Variants in RRM1 observed in about 807,000 individuals in gnomAD.
The protein encoded by RRM1 is ribonucleotide reductase catalytic subunit M1.
RRM1 carries 19 observed loss-of-function variants against 101.5 expected under a neutral mutation model. That is an observed-to-expected ratio of 0.19 (90% CI 0.13 to 0.27). RRM1 has a LOEUF of 0.27. Among genes scored for constraint, RRM1 ranks in the 10% least tolerant of loss-of-function variants. The pLI is 1.00. For synonymous variants in RRM1, 298 were observed against 323.4 expected (o/e 0.92, Z 0.84); for missense variants, 500 against 962.9 (o/e 0.52, Z 6.36).
At chr11:4,119,988 A>G (rs1025584800) in intron 9 of RRM1, 60 bp downstream of exon 9, 3 of 969,106 alleles carry the variant, frequency 3.1e-6, no homozygotes, top group Non-Finnish European at 3.3e-6. Context: ...AGTCATATAC[A>G]CTTAAGATGG....
chr11:4,124,185 G>A (rs10835650), intron 12 of RRM1, among the ~76,000 whole-genome samples: 71,936 of 152,040 alleles, frequency 0.47, 18,213 homozygotes, highest in Non-Finnish European at 0.58. Flanking sequence ...GTAGGTTTCT[G>A]AGAGGAAAAT....
intron 4 of RRM1, among the ~76,000 whole-genome samples, chr11:4,109,256 T>A (rs1281355375): frequency 4.6e-5 from 7 of 151,700 alleles, no homozygotes; most frequent in African/African-American, 1.7e-4. Flanking sequence ...CCAATACTTT[T>A]GGATTAATAG....
intron 14 of RRM1, 109 bp from the exon 15 acceptor site, chr11:4,128,965 G>A: frequency 3.4e-6 from 2 of 594,612 alleles, no homozygotes; most frequent in Non-Finnish European, 5.9e-6. Context: ...TTAGAAGACA[G>A]CATTTGTTGG....
chr11:4,133,028 C>T (rs890817091), intron 16 of RRM1, among the ~76,000 whole-genome samples: 5 of 152,010 alleles, frequency 3.3e-5, no homozygotes, highest in South Asian at 2.1e-4. Context: ...CTTTTGCAAA[C>T]GCCATATGTT....
chr11:4,111,732 C>G, intron 6 of RRM1, 92 bp downstream of exon 6: 1 of 1,274,092 alleles, frequency 7.8e-7, no homozygotes, highest in Non-Finnish European at 1.1e-6. Context: ...CTTGCTTAGA[C>G]TCTAGATAAC....
At chr11:4,122,247 A>T in intron 11 of RRM1, 27 bp downstream of exon 11, 2 of 1,455,132 alleles carry the variant, frequency 1.4e-6, no homozygotes, top group African/African-American at 1.4e-5. Flanking sequence ...AAAGAAAACA[A>T]TAATGTTTTA....
chr11:4,094,945 C>G lies in RRM1; in HGVS notation c.-68C>G. The G allele has an allele frequency of 1.3e-6, 2 of 1,535,470 alleles. No homozygotes were observed. The highest frequency in any genetic ancestry group is 1.8e-6 in the Non-Finnish European group (2 of 1,132,420). On this transcript the variant is annotated 5_prime_UTR_variant, in exon 1 of 19. Transcript: ENST00000300738. ...AACCCTTCCCACTCTGTCACCTTCT[C>G]GATCCCGCCGGCGCTTTAGAGCCGC...
rs1005614736 is a variant in RRM1, at chr11:4,112,018, G to T, written c.606G>T (p.Ser202=). The change falls in exon 7 of 19, where the codon TCG becomes TCT. Residue 202 remains serine, a synonymous_variant. Transcript: ENST00000300738. ...CTGAGAGGTGGTTTACTCATGCTTC[G>T]CCCACTCTCTTCAATGCTGGTACCA... ...LLSERWFTHA[S]PTLFNAGTNR... 1 of 1,613,920 alleles carries T rather than the reference G, an allele frequency of 6.2e-7. No individual in the cohort carries two copies.
Position 4,113,425 on chromosome 11 carries a change from T to C in RRM1, c.650+1363T>C, listed in dbSNP as rs904452958. ...ACAAAACTGTAATGATTTGAAGAAA[T>C]GATTTTTACATAGGAAACTCAAGAG... On this transcript the variant is annotated intron_variant, in intron 7 of 18. Coordinates refer to ENST00000300738, the MANE Select transcript of RRM1 (RefSeq NM_001033.5). Among the ~76,000 whole-genome samples, 7 of 152,266 alleles carry C rather than the reference T, an allele frequency of 4.6e-5. No homozygotes were observed. The South Asian group carries it at 1.2e-3, about 27-fold the overall frequency.
At chr11:4,124,521 G>C (rs1044794427) in intron 12 of RRM1, among the ~76,000 whole-genome samples, 16 of 152,202 alleles carry the variant, frequency 1.1e-4, no homozygotes, top group African/African-American at 3.9e-4. Context: ...AAATAAATAT[G>C]CTGCCCTCTG....
In RRM1 at chr11:4,094,860, T is replaced by A. The variant is rs759781134; in HGVS notation, c.-153T>A. The A allele has an allele frequency of 1.5e-5, 12 of 775,138 alleles. No homozygotes were observed. The African/African-American group carries it at 1.9e-4, about 12-fold the overall frequency. 48.0% of individuals were successfully genotyped at this position (775,138 alleles called of 1,614,324 possible). A position where few individuals can be genotyped will look rare whatever the true frequency, so the allele number is the denominator to read the frequency against. On this transcript the variant is annotated 5_prime_UTR_variant, in exon 1 of 19. Coordinates refer to ENST00000300738, the MANE Select transcript of RRM1 (RefSeq NM_001033.5). The stretch of plus-strand genomic sequence containing the variant: ...GATTTGGATTGTTGCGCCTCTGCTC[T>A]GAAGAAAGTGCTGTCTGGCTCCAAC...
intron 9 of RRM1, among the ~76,000 whole-genome samples, chr11:4,121,003 G>A (rs1187715898): frequency 2.0e-5 from 3 of 152,194 alleles, no homozygotes; most frequent in African/African-American, 7.2e-5. Context: ...CTGGGCGGTA[G>A]AGCTAGAACT....
intron 2 of RRM1, chr11:4,105,578 CTTTTTTT>C (rs55705631): frequency 8.2e-5 from 23 of 281,466 alleles, no homozygotes; most frequent in Admixed American, 3.5e-4. Context: ...TTTTTCTTTC[CTTTTTTT>C]TTTTTTTTTT....
At position 4,132,297 on chromosome 11, in the gene RRM1, G is replaced by A. The variant is rs1324632178; in HGVS notation, c.1781G>A (p.Arg594Lys). The A allele has an allele frequency of 1.2e-6, 2 of 1,614,142 alleles. No homozygotes were observed. Among genetic ancestry groups the A allele is most frequent in the South Asian group, 1.1e-5 (1 of 91,078 alleles). ...LKEKIAKYGI[R>K]NSLLIAPMPT... ...CTCCTTTTCTTTAGGTATGGTATAA[G>A]AAACAGTTTACTTATTGCCCCGATG... Residue 594 changes from arginine (R) to lysine (K), a missense_variant, in exon 16 of 19, where the codon AGA (arginine) becomes AAA (lysine). Physicochemically the swap from Arg to Lys is conservative, Grantham distance 26. This residue lies in a region of RRM1 where 106 missense variants were observed against 138.1 expected (regional missense o/e 0.77). Coordinates refer to ENST00000300738, the MANE Select transcript of RRM1 (RefSeq NM_001033.5). This position sits in a 1 kb window ranked among gnomAD's most constrained non-coding sequence, Gnocchi z 4.1.
intron 11 of RRM1, among the ~76,000 whole-genome samples, chr11:4,122,603 T>C (rs962163599): frequency 6.6e-6 from 1 of 152,220 alleles, no homozygotes; most frequent in African/African-American, 2.4e-5. Context: ...TCAGGTGCAG[T>C]GGCTCACATC....
At chr11:4,102,868 ACT>A (rs1393943417) in intron 2 of RRM1, among the ~76,000 whole-genome samples, 4 of 152,036 alleles carry the variant, frequency 2.6e-5, no homozygotes, top group African/African-American at 4.8e-5. Flanking sequence ...TGTATTCTAG[ACT>A]CTCATCATCA....
chr11:4,103,952 A>T lies in RRM1; in HGVS notation c.108+1871A>T, dbSNP rs866236540. Among the ~76,000 whole-genome samples the T allele has an allele frequency of 4.9e-3, 734 of 150,456 alleles. 6 individuals are homozygous for T. The highest frequency in any genetic ancestry group is 7.5e-3 in the Non-Finnish European group (505 of 67,548). ...GCCCTCAACCCTGTTTCTACAAAAA[A>T]AAAAAAAAAAAAAAAATTGGTTGGG... On this transcript the variant is annotated intron_variant, in intron 2 of 18. Transcript: ENST00000300738.
intron 7 of RRM1, among the ~76,000 whole-genome samples, chr11:4,113,021 C>G (rs2094567735): frequency 6.6e-6 from 1 of 151,608 alleles, no homozygotes; most frequent in African/African-American, 2.4e-5. Flanking sequence ...GAATATGGGT[C>G]AAGAATGGTT....
chr11:4,133,362 A>C (rs1309578934), intron 16 of RRM1, among the ~76,000 whole-genome samples: 1 of 152,010 alleles, frequency 6.6e-6, no homozygotes, highest in East Asian at 1.9e-4. Context: ...TTGTTTCTTG[A>C]ATAACAGATG....
Sources: allele counts gnomAD v4.1 joint callset (sites outside exome capture counted in the v4.1 genomes callset), GRCh38; gene constraint gnomAD v4.1.1; regional missense constraint gnomAD v4.1.1; non-coding constraint Gnocchi (gnomAD v3.1); transcripts MANE v1.5; gene names NCBI Gene and HGNC (gene_info 2026-07-23, HGNC 2026-07-21).